Variants in VWC2L observed in about 807,000 individuals in gnomAD.
VWC2L encodes the protein von Willebrand factor C domain-containing protein 2-like.
VWC2L carries 10 observed loss-of-function variants against 21.6 expected under a neutral mutation model. The ratio of observed to expected loss-of-function variants is 0.46; its 90% CI spans 0.29 to 0.78. The LOEUF (loss-of-function observed/expected upper bound fraction) is 0.78, where lower values mean the gene tolerates loss of function less well. Ranked by LOEUF, VWC2L falls within the 30% of genes least tolerant of loss-of-function variation. The pLI, the probability that VWC2L is intolerant of heterozygous loss-of-function variation, is 0.10. For missense variants in VWC2L, 209 were observed against 277.1 expected (o/e 0.75, Z 1.74); for synonymous variants, 96 against 94.3 (o/e 1.02, Z -0.10).
chr2:214,569,979 A>AC (rs1427755103), intron 3 of VWC2L, among the ~76,000 whole-genome samples: 2 of 131,576 alleles, frequency 1.5e-5, no homozygotes, highest in African/African-American at 7.3e-5. Context: ...AGGGCTTACC[A>AC]GGAAAAAAAA....
intron 3 of VWC2L, among the ~76,000 whole-genome samples, chr2:214,487,003 A>G (rs1688681269): frequency 6.6e-6 from 1 of 152,226 alleles, no homozygotes; most frequent in African/African-American, 2.4e-5. Flanking sequence ...TGAAGTCATT[A>G]GCATGGACCC....
At chr2:214,425,688 C>T (rs1182757766) in intron 2 of VWC2L, among the ~76,000 whole-genome samples, 1 of 152,148 alleles carries the variant, frequency 6.6e-6, no homozygotes, top group Non-Finnish European at 1.5e-5. Flanking sequence ...AGCTTACATA[C>T]ACAATCCACA....
At chr2:214,548,237 C>T (rs895898147) in intron 3 of VWC2L, among the ~76,000 whole-genome samples, 2 of 152,136 alleles carry the variant, frequency 1.3e-5, no homozygotes, top group Non-Finnish European at 2.9e-5. Context: ...AGCATCTCTC[C>T]TGTATTATGG....
chr2:214,487,225 G>T (rs1051379556), intron 3 of VWC2L, among the ~76,000 whole-genome samples: 20 of 151,782 alleles, frequency 1.3e-4, no homozygotes, highest in Non-Finnish European at 7.3e-5. Flanking sequence ...TGACCAGTAC[G>T]TGTTACTTTG....
At chr2:214,521,630 A>T (rs897763896) in intron 3 of VWC2L, among the ~76,000 whole-genome samples, 1 of 152,200 alleles carries the variant, frequency 6.6e-6, no homozygotes, top group East Asian at 1.9e-4. Flanking sequence ...CTCATTCCCT[A>T]CCTCAGGGAG....
chr2:214,520,852 A>C (rs1689226456), intron 3 of VWC2L, among the ~76,000 whole-genome samples: 1 of 152,202 alleles, frequency 6.6e-6, no homozygotes, highest in South Asian at 2.1e-4. Context: ...CATTTTTAGC[A>C]TCTGGTGGTA....
intron 3 of VWC2L, among the ~76,000 whole-genome samples, chr2:214,459,899 TGA>T (rs1347465635): frequency 3.0e-4 from 42 of 138,234 alleles, no homozygotes; most frequent in African/African-American, 1.1e-3. Context: ...TCTTTTCCTT[TGA>T]CTTTTTTTTT....
chr2:214,571,823 A>G (rs1424680012), intron 3 of VWC2L, among the ~76,000 whole-genome samples: 1 of 151,898 alleles, frequency 6.6e-6, no homozygotes, highest in African/African-American at 2.4e-5. Context: ...GGCTCCCTGT[A>G]TTGCCCAGGC....
intron 3 of VWC2L, among the ~76,000 whole-genome samples, chr2:214,535,430 C>T (rs1689510413): frequency 6.6e-6 from 1 of 151,754 alleles, no homozygotes; most frequent in African/African-American, 2.4e-5. Context: ...TCCTCCCCGA[C>T]CCCACCACCG....
chr2:214,512,144 A>G (rs1205595871), intron 3 of VWC2L, among the ~76,000 whole-genome samples: 1 of 152,136 alleles, frequency 6.6e-6, no homozygotes, highest in African/African-American at 2.4e-5. Flanking sequence ...GACTGATTAA[A>G]ATAAATTTTT....
At chr2:214,448,765 A>G (rs1702910966) in intron 3 of VWC2L, among the ~76,000 whole-genome samples, 1 of 152,242 alleles carries the variant, frequency 6.6e-6, no homozygotes, top group African/African-American at 2.4e-5. Flanking sequence ...CACCTGAAAC[A>G]TACCAGGGCT....
At chr2:214,430,768 G>A (rs752061497) in intron 2 of VWC2L, among the ~76,000 whole-genome samples, 3 of 152,128 alleles carry the variant, frequency 2.0e-5, no homozygotes, top group African/African-American at 4.8e-5. Context: ...TACTTAACTC[G>A]TAATGCAGAT....
At chr2:214,508,791 G>T (rs1258593695) in intron 3 of VWC2L, among the ~76,000 whole-genome samples, 1 of 151,892 alleles carries the variant, frequency 6.6e-6, no homozygotes, top group Admixed American at 6.6e-5. Context: ...GCAATTTTGT[G>T]TTTTTTTGGT....
At chr2:214,436,148 G>A (rs1702675577) in intron 2 of VWC2L, 1 of 152,784 alleles carries the variant, frequency 6.5e-6, no homozygotes, top group Non-Finnish European at 1.5e-5. Flanking sequence ...AGTCTAAGTT[G>A]GCTTGAAAAA....
At chr2:214,553,449 G>A (rs561199832) in intron 3 of VWC2L, among the ~76,000 whole-genome samples, 54 of 152,270 alleles carry the variant, frequency 3.5e-4, no homozygotes, top group African/African-American at 1.2e-3. Flanking sequence ...GGGGCTTCCC[G>A]GTCATAGGCA....
At chr2:214,566,391 T>A (rs943528111) in intron 3 of VWC2L, among the ~76,000 whole-genome samples, 1 of 152,150 alleles carries the variant, frequency 6.6e-6, no homozygotes, top group Non-Finnish European at 1.5e-5. Flanking sequence ...CCTTGCATTT[T>A]ACTTAATTGG....
intron 3 of VWC2L, among the ~76,000 whole-genome samples, chr2:214,480,149 A>G (rs1036696799): frequency 1.3e-5 from 2 of 152,222 alleles, no homozygotes; most frequent in Non-Finnish European, 2.9e-5. Context: ...GCACTTGAGC[A>G]TCTGCAGATT....
intron 3 of VWC2L, among the ~76,000 whole-genome samples, chr2:214,569,866 G>C (rs758748677): frequency 4.6e-5 from 7 of 152,262 alleles, no homozygotes; most frequent in South Asian, 2.1e-4. Flanking sequence ...GATGTTTAAT[G>C]CTTAACATCG....
intron 3 of VWC2L, among the ~76,000 whole-genome samples, chr2:214,475,768 T>A (rs1688508494): frequency 6.6e-6 from 1 of 152,032 alleles, no homozygotes. Flanking sequence ...ATGTAAAACA[T>A]GTCAACAAAA....
Sources: gnomAD v4.1 joint callset for allele counts (sites outside exome capture counted in the v4.1 genomes callset) on GRCh38, gnomAD v4.1.1 for gene constraint, MANE v1.5 for transcripts, NCBI Gene and HGNC (gene_info 2026-07-23, HGNC 2026-07-21) for gene names.